Variants in DNAJC15 observed in about 807,000 individuals in gnomAD.
DNAJC15 encodes the protein dnaJ homolog subfamily C member 15.
DNAJC15 carries 27 observed loss-of-function variants against 22.4 expected under a neutral mutation model. The ratio of observed to expected loss-of-function variants is 1.20; its 90% CI spans 0.89 to 1.66. The LOEUF (loss-of-function observed/expected upper bound fraction) is 1.66, where lower values mean the gene tolerates loss of function less well. DNAJC15 is among the 40% of genes most tolerant of loss of function. The pLI, the probability that DNAJC15 is intolerant of heterozygous loss-of-function variation, is 0.00. For synonymous variants in DNAJC15, 79 were observed against 63.2 expected, an observed-to-expected ratio of 1.25 and a Z score of -1.19; for missense variants, 208 against 187.1, an observed-to-expected ratio of 1.11 and a Z score of -0.65.
At chr13:43,088,660 A>AT (rs1262556183) in intron 5 of DNAJC15, among the ~76,000 whole-genome samples, 2 of 152,096 alleles carry the variant, frequency 1.3e-5, no homozygotes, top group Non-Finnish European at 2.9e-5. Context: ...TGTTGAATGG[A>AT]TTTTCTCTAA....
chr13:43,097,297 A>G (rs931309465), intron 5 of DNAJC15, among the ~76,000 whole-genome samples: 4 of 152,230 alleles, frequency 2.6e-5, no homozygotes, highest in Admixed American at 2.0e-4. Flanking sequence ...CACCAAGTGC[A>G]TAGGTCCTGA....
intron 5 of DNAJC15, among the ~76,000 whole-genome samples, chr13:43,102,030 G>A (rs750338974): frequency 6.6e-6 from 1 of 152,104 alleles, no homozygotes; most frequent in Non-Finnish European, 1.5e-5. Context: ...GGTTATACTA[G>A]TTATACTCAC....
chr13:43,056,572 T>G (rs2040532515), intron 1 of DNAJC15, among the ~76,000 whole-genome samples: 2 of 152,244 alleles, frequency 1.3e-5, no homozygotes, highest in Non-Finnish European at 2.9e-5. Flanking sequence ...GTCCACTGTT[T>G]CTTTGTTGAC....
chr13:43,041,457 C>T (rs1351934804), intron 1 of DNAJC15, among the ~76,000 whole-genome samples: 1 of 152,182 alleles, frequency 6.6e-6, no homozygotes, highest in Non-Finnish European at 1.5e-5. Context: ...CTTGTGTCTA[C>T]TTCTTTCTAC....
chr13:43,058,500 G>C (rs1045697471), intron 1 of DNAJC15, among the ~76,000 whole-genome samples: 1 of 152,056 alleles, frequency 6.6e-6, no homozygotes, highest in Non-Finnish European at 1.5e-5. Context: ...GGGTATGGGG[G>C]TGTGGTTCTC....
intron 1 of DNAJC15, among the ~76,000 whole-genome samples, chr13:43,058,771 G>A (rs1178889703): frequency 2.0e-5 from 3 of 152,192 alleles, no homozygotes; most frequent in African/African-American, 7.2e-5. Flanking sequence ...GATAAAGTCA[G>A]AAATGGCTTC....
At chr13:43,043,609 C>A (rs1308121869) in intron 1 of DNAJC15, among the ~76,000 whole-genome samples, 1 of 152,088 alleles carries the variant, frequency 6.6e-6, no homozygotes, top group Non-Finnish European at 1.5e-5. Flanking sequence ...TTTAATTATG[C>A]TGGAGAGTGG....
rs753362468 is a variant in DNAJC15, at chr13:43,034,305, CTTTTTTTTTTT to C, written c.108+10589_108+10599del. ...AATTCTTCTGTATGGGAGATTTGTC[CTTTTTTTTTTT>C]TTTTTTTTTTTTTTTTTGAGACAGA... On this transcript the variant is annotated intron_variant, in intron 1 of 5. Transcript: ENST00000379221. Among the ~76,000 whole-genome samples, 7 of 60,618 alleles carry C rather than the reference CTTTTTTTTTTT, an allele frequency of 1.2e-4. No individual in the cohort carries two copies. In the South Asian group the frequency reaches 2.2e-3, roughly 19 times the overall value. The allele number at this position is 60,618 out of a possible 152,430, so 39.8% of individuals were successfully genotyped here.
intron 1 of DNAJC15, among the ~76,000 whole-genome samples, chr13:43,035,561 T>C (rs1187450384): frequency 1.3e-5 from 2 of 152,146 alleles, no homozygotes; most frequent in African/African-American, 2.4e-5. Flanking sequence ...AGCACTTTCC[T>C]CCCCAAATAA....
chr13:43,103,204 T>C (rs747447359), intron 5 of DNAJC15, among the ~76,000 whole-genome samples: 1 of 152,224 alleles, frequency 6.6e-6, no homozygotes, highest in Non-Finnish European at 1.5e-5. Context: ...CTTCTATATG[T>C]GTTTAATTCT....
At chr13:43,093,383 C>T (rs2040724360) in intron 5 of DNAJC15, among the ~76,000 whole-genome samples, 1 of 152,114 alleles carries the variant, frequency 6.6e-6, no homozygotes, top group South Asian at 2.1e-4. Context: ...GAAATTAACA[C>T]TGAAAAATTG....
chr13:43,086,230 G>A (rs983145906), intron 5 of DNAJC15, among the ~76,000 whole-genome samples: 1 of 152,188 alleles, frequency 6.6e-6, no homozygotes, highest in Admixed American at 6.5e-5. Flanking sequence ...ATCTGTGAAT[G>A]TAATATGTCA....
chr13:43,061,003 T>C lies in DNAJC15; in HGVS notation c.109-4683T>C, dbSNP rs145748577. 1.8e-3 allele frequency among the ~76,000 whole-genome samples: 268 copies of C among 152,244 alleles called. 2 individuals carry two copies. Among genetic ancestry groups the C allele is most frequent in the African/African-American group, 6.2e-3 (257 of 41,548 alleles). On this transcript the variant is annotated intron_variant, in intron 1 of 5. Coordinates refer to ENST00000379221, the MANE Select transcript of DNAJC15 (RefSeq NM_013238.3). Reference sequence around the variant, plus strand: ...CTGAGCTTGTTGTGTAGGGAAGGGATGGGGCCTGAGAAATTCCTGAGGAGT... The same window carrying C: ...CTGAGCTTGTTGTGTAGGGAAGGGACGGGGCCTGAGAAATTCCTGAGGAGT...
At chr13:43,060,663 C>T (rs2040554558) in intron 1 of DNAJC15, among the ~76,000 whole-genome samples, 4 of 152,106 alleles carry the variant, frequency 2.6e-5, no homozygotes, top group Admixed American at 2.6e-4. Flanking sequence ...AATGCAAAGC[C>T]AGCAACTGTT....
intron 5 of DNAJC15, among the ~76,000 whole-genome samples, chr13:43,097,754 A>G (rs900023263): frequency 2.6e-5 from 4 of 152,118 alleles, no homozygotes; most frequent in Non-Finnish European, 5.9e-5. Context: ...CCTGACCAAC[A>G]TGGAGAAACC....
chr13:43,028,248 A>G (rs558749880), intron 1 of DNAJC15, among the ~76,000 whole-genome samples: 1 of 152,334 alleles, frequency 6.6e-6, no homozygotes, highest in African/African-American at 2.4e-5. Context: ...GTAGCTCATT[A>G]TAGTCTTCCC....
intron 3 of DNAJC15, among the ~76,000 whole-genome samples, 185 bp from the exon 4 acceptor site, chr13:43,078,427 T>C (rs2040645682): frequency 6.6e-6 from 1 of 152,230 alleles, no homozygotes; most frequent in African/African-American, 2.4e-5. Context: ...GTTAGTATTT[T>C]TTAAGACTTC....
chr13:43,045,155 G>A (rs2040470642), intron 1 of DNAJC15, among the ~76,000 whole-genome samples: 2 of 151,940 alleles, frequency 1.3e-5, no homozygotes, highest in Admixed American at 1.3e-4. Flanking sequence ...CTGGCTATTC[G>A]TTAGGCACAC....
chr13:43,024,337 GTTTTTTTTTT>G (rs376910976), intron 1 of DNAJC15, among the ~76,000 whole-genome samples: 45 of 93,386 alleles, frequency 4.8e-4, no homozygotes, highest in African/African-American at 1.8e-3. Context: ...GTATTTTTAC[GTTTTTTTTTT>G]TTTTTTTTTT....
Sources: allele counts gnomAD v4.1 joint callset (sites outside exome capture counted in the v4.1 genomes callset), GRCh38; gene constraint gnomAD v4.1.1; transcripts MANE v1.5; gene names NCBI Gene and HGNC (gene_info 2026-07-23, HGNC 2026-07-21).